Variants in MOXD1 observed in about 807,000 individuals in gnomAD.
The protein encoded by MOXD1 is DBH-like monooxygenase protein 1.
Under a neutral mutation model 66.6 loss-of-function variants are expected in MOXD1, and 62 were observed. That is an observed-to-expected ratio of 0.93 (90% CI 0.76 to 1.15). The LOEUF is 1.15. Ranked by LOEUF, MOXD1 falls within the 50% of genes most tolerant of loss-of-function variation. The pLI, the probability that MOXD1 is intolerant of heterozygous loss-of-function variation, is 0.00. For missense variants in MOXD1, 847 were observed against 754.6 expected, an observed-to-expected ratio of 1.12 and a Z score of -1.44; for synonymous variants, 303 against 281.9, an observed-to-expected ratio of 1.07 and a Z score of -0.75.
intron 4 of MOXD1, among the ~76,000 whole-genome samples, chr6:132,359,206 A>G (rs990395249): frequency 2.0e-5 from 3 of 151,376 alleles, no homozygotes; most frequent in African/African-American, 7.3e-5. Flanking sequence ...TGCAGCCCCA[A>G]ACTCCTGGGC....
chr6:132,355,534 C>A (rs1775894148), intron 4 of MOXD1, among the ~76,000 whole-genome samples: 1 of 152,194 alleles, frequency 6.6e-6, no homozygotes, highest in Non-Finnish European at 1.5e-5. Context: ...TTTCTACTCT[C>A]TCTTTTGGAA....
At chr6:132,329,644 T>G (rs1291124353) in intron 4 of MOXD1, among the ~76,000 whole-genome samples, 4 of 152,094 alleles carry the variant, frequency 2.6e-5, no homozygotes, top group Non-Finnish European at 5.9e-5. Context: ...CTGGTGATTT[T>G]ATCATCAATG....
chr6:132,309,855 G>A (rs1381629898), intron 10 of MOXD1, among the ~76,000 whole-genome samples: 2 of 152,194 alleles, frequency 1.3e-5, no homozygotes, highest in African/African-American at 4.8e-5. Flanking sequence ...AATTAACTCA[G>A]ATGGATTAAA....
chr6:132,388,882 T>C (rs1243169607), intron 1 of MOXD1, among the ~76,000 whole-genome samples: 1 of 151,258 alleles, frequency 6.6e-6, no homozygotes, highest in Non-Finnish European at 1.5e-5. Context: ...TGTGCAGTTA[T>C]TCGTGTTGCT....
intron 4 of MOXD1, among the ~76,000 whole-genome samples, chr6:132,361,215 T>G (rs1776011700): frequency 1.3e-5 from 2 of 152,098 alleles, no homozygotes; most frequent in Non-Finnish European, 2.9e-5. Flanking sequence ...AGCATAAATC[T>G]TTTTTCTGTC....
intron 4 of MOXD1, among the ~76,000 whole-genome samples, chr6:132,330,824 A>AG: frequency 6.6e-6 from 1 of 152,242 alleles, no homozygotes; most frequent in East Asian, 1.9e-4. Context: ...AATCTAAGCA[A>AG]GGGGGGAAAT....
At chr6:132,387,033 G>A (rs1000722714) in intron 1 of MOXD1, among the ~76,000 whole-genome samples, 2 of 151,026 alleles carry the variant, frequency 1.3e-5, no homozygotes, top group Non-Finnish European at 3.0e-5. Context: ...TTTTCCTCAG[G>A]TACTCAGATT....
At chr6:132,336,207 A>C (rs555548485) in intron 4 of MOXD1, among the ~76,000 whole-genome samples, 10 of 152,328 alleles carry the variant, frequency 6.6e-5, no homozygotes, top group Non-Finnish European at 1.2e-4. Flanking sequence ...TGAGCTGGAA[A>C]TTTTGTAAAT....
chr6:132,344,106 A>G (rs1250615031), intron 4 of MOXD1, among the ~76,000 whole-genome samples: 1 of 152,236 alleles, frequency 6.6e-6, no homozygotes, highest in East Asian at 1.9e-4. Context: ...ATGGCTTTAT[A>G]AGCAGTGACA....
chr6:132,328,578 T>G lies in MOXD1; in HGVS notation c.680A>C (p.Gln227Pro). The change falls in exon 5 of 12, where the codon CAG (glutamine) becomes CCG (proline). Residue 227 changes from glutamine (Q) to proline (P), a missense_variant. Transcript: ENST00000367963. ...HHVIKVEPVI[Q>P]RGHESLVHHI... The stretch of plus-strand genomic sequence containing the variant: ...GTGCACCAGACTCTCATGGCCTCTC[T>G]GTATCACTGGCTCAACCTACACGAA... 1.2e-6 allele frequency: 2 copies of G among 1,613,950 alleles called. No individual in the cohort carries two copies. The highest frequency in any genetic ancestry group is 1.7e-6 in the Non-Finnish European group (2 of 1,179,902).
intron 4 of MOXD1, among the ~76,000 whole-genome samples, chr6:132,334,969 A>G (rs191033113): frequency 6.6e-6 from 1 of 152,324 alleles, no homozygotes; most frequent in African/African-American, 2.4e-5. Context: ...GGGTACAGAG[A>G]TAATACCAAA....
intron 4 of MOXD1, among the ~76,000 whole-genome samples, chr6:132,335,522 T>C (rs1775418561): frequency 6.6e-6 from 1 of 152,110 alleles, no homozygotes; most frequent in Non-Finnish European, 1.5e-5. Context: ...GGCATGAAGA[T>C]GGAGGCAGAG....
intron 1 of MOXD1, among the ~76,000 whole-genome samples, chr6:132,383,457 T>C (rs1341049889): frequency 1.3e-5 from 2 of 152,132 alleles, no homozygotes; most frequent in African/African-American, 4.8e-5. Flanking sequence ...CCTACTAAAA[T>C]GCCAAAATAT....
chr6:132,297,171 C>T lies in MOXD1; in HGVS notation c.1824G>A (p.Leu608=), dbSNP rs1351700799. 6.2e-6 allele frequency: 10 copies of T among 1,613,176 alleles called. No individual in the cohort carries two copies. The highest frequency in any genetic ancestry group is 8.5e-6 in the Non-Finnish European group (10 of 1,179,534). ...ATTTTGATCACAAGCTCTTGGTGCT[C>T]AGCGTGCAGCTGAGTAGCAGAAGGC... The part of the protein sequence containing the change: ...LVCLLLLSCT[L]STKSL The change falls in exon 12 of 12, where the codon CTG becomes CTA. Residue 608 remains leucine (L), a synonymous_variant. Transcript: ENST00000367963.
At chr6:132,389,667 G>A (rs1776716455) in intron 1 of MOXD1, among the ~76,000 whole-genome samples, 1 of 151,418 alleles carries the variant, frequency 6.6e-6, no homozygotes, top group Non-Finnish European at 1.5e-5. Flanking sequence ...GGAATAAAAA[G>A]TATCTTTCCC....
intron 1 of MOXD1, among the ~76,000 whole-genome samples, chr6:132,397,694 GAAAGAA>G (rs1776927201): frequency 9.4e-5 from 11 of 117,508 alleles, no homozygotes; most frequent in African/African-American, 3.3e-4. Flanking sequence ...AAGAAAGAAA[GAAAGAA>G]AAAGAAAGAG....
chr6:132,359,824 C>G (rs1775982215), intron 4 of MOXD1, among the ~76,000 whole-genome samples: 1 of 152,142 alleles, frequency 6.6e-6, no homozygotes, highest in Non-Finnish European at 1.5e-5. Flanking sequence ...TAAAGCCACA[C>G]AGGAGTAATA....
intron 1 of MOXD1, among the ~76,000 whole-genome samples, chr6:132,387,686 G>T (rs373693366): frequency 2.0e-5 from 3 of 147,298 alleles, no homozygotes; most frequent in South Asian, 4.5e-4. Flanking sequence ...CCTGGGGAAC[G>T]GAGGTTGTAG....
At chr6:132,343,781 G>A (rs1775612670) in intron 4 of MOXD1, among the ~76,000 whole-genome samples, 1 of 151,914 alleles carries the variant, frequency 6.6e-6, no homozygotes, top group African/African-American at 2.4e-5. Flanking sequence ...CATAAAACCG[G>A]AAATAATTTA....
Sources: gnomAD v4.1 joint callset for allele counts (sites outside exome capture counted in the v4.1 genomes callset) on GRCh38, gnomAD v4.1.1 for gene constraint, MANE v1.5 for transcripts, NCBI Gene and HGNC (gene_info 2026-07-23, HGNC 2026-07-21) for gene names.